Variants in SCRN3 observed in about 807,000 individuals in gnomAD.
SCRN3 encodes secernin-3.
A neutral mutation model predicts 43.1 loss-of-function variants in SCRN3; 39 were observed. That is an observed-to-expected ratio of 0.91 (90% confidence interval 0.70 to 1.18). The LOEUF is 1.18. SCRN3 is among the 50% of genes most tolerant of loss of function. The pLI is 0.00. For synonymous variants in SCRN3, 147 were observed against 163.1 expected, an observed-to-expected ratio of 0.90 and a Z score of 0.75; for missense variants, 484 against 498.0, an observed-to-expected ratio of 0.97 and a Z score of 0.27.
chr2:174,413,358 C>CTTTA (rs1267163174), intron 5 of SCRN3, among the ~76,000 whole-genome samples: 1 of 152,118 alleles, frequency 6.6e-6, no homozygotes, highest in African/African-American at 2.4e-5. Context: ...TTAGCAGCTA[C>CTTTA]TTTAGTTGGT....
intron 4 of SCRN3, among the ~76,000 whole-genome samples, chr2:174,402,543 C>A (rs1032216979): frequency 3.9e-5 from 6 of 152,058 alleles, no homozygotes; most frequent in Non-Finnish European, 7.4e-5. Flanking sequence ...CGAAAATTAG[C>A]TGAGTGTGGT....
chr2:174,429,831 T>C (rs1403275358), downstream of SCRN3, among the ~76,000 whole-genome samples: 1 of 152,194 alleles, frequency 6.6e-6, no homozygotes, highest in African/African-American at 2.4e-5. Flanking sequence ...ACTGTCTCCA[T>C]AGTTTTGCCT....
rs1390509267 is a variant in SCRN3 at position 174,429,100 on chromosome 2, A to G, written c.*1205A>G. On this transcript the variant is annotated 3_prime_UTR_variant, in exon 8 of 8. Transcript: ENST00000272732. ...TCTAATAGAGGGTTGACATTACAAA[A>G]GAAAAGATGTCTGACTCAAGAACTC... The G allele has an allele frequency of 1.3e-5, 2 of 152,234 alleles. No homozygotes were observed. The highest frequency in any genetic ancestry group is 1.3e-4 in the Admixed American group (2 of 15,274). The allele number at this position is 152,234 out of a possible 1,614,324, so 9.4% of individuals were successfully genotyped here.
At chr2:174,401,316 G>T (rs1382487862) in intron 4 of SCRN3, 127 bp downstream of exon 4, 9 of 711,200 alleles carry the variant, frequency 1.3e-5, no homozygotes, top group East Asian at 8.3e-5. Flanking sequence ...AACTGCAAGG[G>T]AAATTTAAAA....
At chr2:174,408,843 G>T (rs1685792976) in intron 5 of SCRN3, among the ~76,000 whole-genome samples, 1 of 111,774 alleles carries the variant, frequency 8.9e-6, no homozygotes, top group Non-Finnish European at 1.9e-5. Flanking sequence ...TAGTCTGATG[G>T]GCTTCCCTTT....
At position 174,402,390 on chromosome 2, in the gene SCRN3, T is replaced by G. The variant is rs117623590; in HGVS notation, c.541+1201T>G. Among the ~76,000 whole-genome samples the G allele has an allele frequency of 6.9e-4, 105 of 152,286 alleles. 3 individuals carry two copies. In the East Asian group the frequency reaches 0.019, roughly 27 times the overall value. On this transcript the variant is annotated intron_variant, in intron 4 of 7. Transcript: ENST00000272732. ...TGTTAAATGATAGGGAATTATTTATTAGATGGAAAATTATTGGCTGGGCAT... is the reference window on the plus strand; with the variant it reads ...TGTTAAATGATAGGGAATTATTTATGAGATGGAAAATTATTGGCTGGGCAT...
chr2:174,399,810 T>C, intron 2 of SCRN3, 112 bp from the exon 3 acceptor site: 1 of 671,450 alleles, frequency 1.5e-6, no homozygotes, highest in Non-Finnish European at 2.2e-6. Flanking sequence ...ATATTTCCTT[T>C]ACCTCTTTCA....
rs139755446 is a variant in SCRN3, at chr2:174,411,029, A to G, written c.754+6714A>G. On this transcript the variant is annotated intron_variant, in intron 5 of 7. Transcript: ENST00000272732. ...GATCCATTTGGGGAGCAGGAACTGG[A>G]CTCCTTATTACGGCTATGAGTCTGA... 6.6e-5 allele frequency among the ~76,000 whole-genome samples: 10 copies of G among 151,994 alleles called. No individual in the cohort carries two copies. In the East Asian group the frequency reaches 1.7e-3, roughly 27 times the overall value.
chr2:174,420,871 AG>A (rs1686270746), intron 5 of SCRN3, among the ~76,000 whole-genome samples: 1 of 152,168 alleles, frequency 6.6e-6, no homozygotes, highest in Non-Finnish European at 1.5e-5. Flanking sequence ...TCAACAGGAA[AG>A]GGGAGAGAAA....
chr2:174,410,423 G>T (rs569802513), intron 5 of SCRN3: 171 of 154,212 alleles, frequency 1.1e-3, no homozygotes, highest in Non-Finnish European at 1.7e-3. Flanking sequence ...CCTCTTCTGC[G>T]TCGCTCACGC....
Position 174,400,031 on chromosome 2 carries a change from T to C in SCRN3, c.269T>C (p.Ile90Thr), listed in dbSNP as rs1244552713. 13 of 1,601,666 alleles carry C rather than the reference T, an allele frequency of 8.1e-6. No individual in the cohort carries two copies. The highest frequency in any genetic ancestry group is 1.1e-5 in the Non-Finnish European group (13 of 1,175,328). Reference sequence around the variant, plus strand: ...GGAGCCAATGAGCATGGAGTTTGCATTGGGAATGAAGCTGTATGGGGAAGA... The same window carrying C: ...GGAGCCAATGAGCATGGAGTTTGCACTGGGAATGAAGCTGTATGGGGAAGA... Reference protein sequence around the residue: ...EMGANEHGVCIGNEAVWGREE... With the variant: ...EMGANEHGVCTGNEAVWGREE... Residue 90 changes from isoleucine to threonine, a missense_variant, in exon 3 of 8, where the codon ATT becomes ACT. Physicochemically the swap from Ile to Thr is moderately conservative, Grantham distance 89. Coordinates refer to ENST00000272732, the MANE Select transcript of SCRN3 (RefSeq NM_024583.5).
At chr2:174,407,203 G>A (rs1228108020) in intron 5 of SCRN3, among the ~76,000 whole-genome samples, 1 of 62,220 alleles carries the variant, frequency 1.6e-5, no homozygotes, top group Admixed American at 1.9e-4. Flanking sequence ...TGTATGTGTC[G>A]AGGAATTTAT....
intron 7 of SCRN3, among the ~76,000 whole-genome samples, chr2:174,425,849 A>G (rs1405065752): frequency 6.6e-6 from 1 of 152,118 alleles, no homozygotes; most frequent in Non-Finnish European, 1.5e-5. Flanking sequence ...TGTGTTAGGG[A>G]GAGTCAATCC....
intron 4 of SCRN3, among the ~76,000 whole-genome samples, chr2:174,403,032 T>G (rs1448218085): frequency 6.6e-6 from 1 of 151,688 alleles, no homozygotes; most frequent in Non-Finnish European, 1.5e-5. Flanking sequence ...TTAAAAAAAT[T>G]TATAGAAAGG....
At chr2:174,414,760 A>AT (rs1686043860) in intron 5 of SCRN3, among the ~76,000 whole-genome samples, 2 of 112,256 alleles carry the variant, frequency 1.8e-5, no homozygotes, top group South Asian at 2.9e-4. Flanking sequence ...TTTCTTTTCT[A>AT]TTTTCTTTTT....
chr2:174,395,966 A>C, intron 1 of SCRN3, 149 bp downstream of exon 1: 1 of 1,387,128 alleles, frequency 7.2e-7, no homozygotes, highest in Non-Finnish European at 9.3e-7. Flanking sequence ...TGCGGGGTGG[A>C]CCGCGGCGGC....
At chr2:174,399,725 T>A (rs2105558896) in intron 2 of SCRN3, among the ~76,000 whole-genome samples, 197 bp from the exon 3 acceptor site, 1 of 152,330 alleles carries the variant, frequency 6.6e-6, no homozygotes, top group East Asian at 1.9e-4. Flanking sequence ...AATATTTGAA[T>A]GAATAAATAT....
At chr2:174,408,344 C>A (rs1685770198) in intron 5 of SCRN3, among the ~76,000 whole-genome samples, 1 of 133,060 alleles carries the variant, frequency 7.5e-6, no homozygotes, top group South Asian at 2.4e-4. Context: ...TATTTTGAGC[C>A]TATGTGTGTC....
At chr2:174,409,795 T>C (rs1239054256) in intron 5 of SCRN3, among the ~76,000 whole-genome samples, 1 of 143,340 alleles carries the variant, frequency 7.0e-6, no homozygotes, top group Non-Finnish European at 1.6e-5. Flanking sequence ...AGGGACCCAC[T>C]TGAGCAGGCA....
Sources: allele counts gnomAD v4.1 joint callset (sites outside exome capture counted in the v4.1 genomes callset), GRCh38; gene constraint gnomAD v4.1.1; transcripts MANE v1.5; gene names NCBI Gene and HGNC (gene_info 2026-07-23, HGNC 2026-07-21).